The following SYT17 variants were observed in gnomAD, a reference collection of about 807,000 sequenced individuals.
SYT17 encodes the protein synaptotagmin 17, also known as synaptotagmin-17.
Under a neutral mutation model 46.7 loss-of-function variants are expected in SYT17, and 22 were observed. That is an observed-to-expected ratio of 0.47 (90% CI 0.34 to 0.67). The LOEUF (loss-of-function observed/expected upper bound fraction) is 0.67, where lower values mean the gene tolerates loss of function less well. Among genes scored for constraint, SYT17 ranks in the 30% least tolerant of loss-of-function variants. The probability of loss-of-function intolerance (pLI) is 0.01; values close to 1 mark genes in which losing one functional copy is unlikely to be tolerated. For missense variants in SYT17, 519 were observed against 612.8 expected, an observed-to-expected ratio of 0.85 and a Z score of 1.62; for synonymous variants, 251 against 248.4, an observed-to-expected ratio of 1.01 and a Z score of -0.10.
At position 19,224,842 on chromosome 16, in the gene SYT17, G is replaced by C. The variant is rs1428124065; in HGVS notation, c.1228+4G>C. 1.2e-6 allele frequency: 2 copies of C among 1,613,844 alleles called. No homozygotes were observed. Among genetic ancestry groups the C allele is most frequent in the South Asian group, 2.2e-5 (2 of 91,052 alleles). ...AATGCCAGCCTAGTGTTTACAGGTA[G>C]GTAGCATTCCAAAACCCGATGAACT... On this transcript the variant is annotated splice_donor_region_variant and intron_variant, in intron 7 of 7. Coordinates refer to ENST00000355377, the MANE Select transcript of SYT17 (RefSeq NM_016524.4).
intron 7 of SYT17, among the ~76,000 whole-genome samples, chr16:19,251,328 C>T (rs982879100): frequency 6.6e-6 from 1 of 152,172 alleles, no homozygotes; most frequent in African/African-American, 2.4e-5. Flanking sequence ...CCTTGTCTTG[C>T]ACAAGGATTC....
At chr16:19,193,649 T>C (rs537811996) in intron 5 of SYT17, among the ~76,000 whole-genome samples, 70 of 152,280 alleles carry the variant, frequency 4.6e-4, no homozygotes, top group African/African-American at 1.5e-3. Context: ...GTGCTTGCAT[T>C]TTCTTTAGGA....
intron 7 of SYT17, among the ~76,000 whole-genome samples, chr16:19,231,645 G>A (rs952895744): frequency 6.6e-6 from 1 of 152,046 alleles, no homozygotes; most frequent in Admixed American, 6.6e-5. Context: ...GGCAGGTGGA[G>A]GAACTGCTGC....
chr16:19,226,330 G>A (rs1319501199), intron 7 of SYT17, among the ~76,000 whole-genome samples: 1 of 152,122 alleles, frequency 6.6e-6, no homozygotes, highest in Non-Finnish European at 1.5e-5. Flanking sequence ...CAGGGTAACT[G>A]GAAACTCTCC....
At chr16:19,249,739 T>C (rs1305157383) in intron 7 of SYT17, among the ~76,000 whole-genome samples, 1 of 152,174 alleles carries the variant, frequency 6.6e-6, no homozygotes, top group Non-Finnish European at 1.5e-5. Flanking sequence ...AACCTTTGTT[T>C]GGTGTTTTGG....
Position 19,177,126 on chromosome 16 carries a change from G to T in SYT17, c.183-3265G>T, listed in dbSNP as rs1964345872. ...ACAGTTGCGTTTTGCCTTGACTGCT[G>T]CTAACCCTTTGTGTAAGCAGGGGCA... On this transcript the variant is annotated intron_variant, in intron 3 of 7. Transcript: ENST00000355377. Among the ~76,000 whole-genome samples, 3 of 152,310 alleles carry T rather than the reference G, an allele frequency of 2.0e-5. No homozygotes were observed. In the South Asian group the frequency reaches 6.2e-4, roughly 32 times the overall value.
At chr16:19,205,109 C>T (rs1965613631) in intron 5 of SYT17, among the ~76,000 whole-genome samples, 1 of 152,206 alleles carries the variant, frequency 6.6e-6, no homozygotes, top group African/African-American at 2.4e-5. Context: ...TTTCTCAACC[C>T]AGCAGCCAGG....
intron 7 of SYT17, among the ~76,000 whole-genome samples, chr16:19,255,816 AGACCAC>A (rs1159304779): frequency 6.6e-6 from 1 of 152,152 alleles, no homozygotes; most frequent in African/African-American, 2.4e-5. Flanking sequence ...TATTGCCTGC[AGACCAC>A]GACAAAGAGG....
chr16:19,173,708 TC>T, intron 3 of SYT17, 130 bp downstream of exon 3: 1 of 1,049,168 alleles, frequency 9.5e-7, no homozygotes, highest in Non-Finnish European at 1.4e-6. Flanking sequence ...AGGCTGAGTT[TC>T]CAGGGACAAC....
intron 7 of SYT17, among the ~76,000 whole-genome samples, chr16:19,263,082 G>C (rs1323587745): frequency 6.7e-6 from 1 of 150,108 alleles, no homozygotes; most frequent in Non-Finnish European, 1.5e-5. Flanking sequence ...GTTTAATTGA[G>C]ATAAAATTCA....
At chr16:19,234,506 T>C (rs1177735747) in intron 7 of SYT17, among the ~76,000 whole-genome samples, 1 of 152,204 alleles carries the variant, frequency 6.6e-6, no homozygotes, top group African/African-American at 2.4e-5. Context: ...CTATTTTATA[T>C]AAAAAGCTTT....
intron 7 of SYT17, among the ~76,000 whole-genome samples, chr16:19,266,676 T>G (rs750599043): frequency 2.6e-5 from 4 of 152,162 alleles, no homozygotes; most frequent in Non-Finnish European, 5.9e-5. Context: ...GTGCAGCTGT[T>G]GCAGAGACTC....
chr16:19,233,796 C>T (rs1966789387), intron 7 of SYT17, among the ~76,000 whole-genome samples: 1 of 152,180 alleles, frequency 6.6e-6, no homozygotes, highest in Admixed American at 6.5e-5. Flanking sequence ...CTGAAATTCT[C>T]CTGGGATGGA....
At chr16:19,171,553 G>A (rs2142499766) in intron 1 of SYT17, 1 of 152,232 alleles carries the variant, frequency 6.6e-6, no homozygotes, top group African/African-American at 2.4e-5. Context: ...TCAAACTCCT[G>A]ACCTCAGGTG....
intron 7 of SYT17, among the ~76,000 whole-genome samples, chr16:19,228,118 T>C (rs1279345255): frequency 6.6e-6 from 1 of 152,196 alleles, no homozygotes; most frequent in Non-Finnish European, 1.5e-5. Flanking sequence ...CATGGAAGTA[T>C]GGAAAATTTT....
chr16:19,223,187 C>G lies in SYT17; in HGVS notation c.1072+22C>G, dbSNP rs373466231. On this transcript the variant is annotated intron_variant, in intron 6 of 7. Coordinates refer to ENST00000355377, the MANE Select transcript of SYT17 (RefSeq NM_016524.4). ...TCAGGTACCGTGTGATTCCCCTCTTCTCTCACTTTATTAATGGGGCATCTG... is the reference window on the plus strand; with the variant it reads ...TCAGGTACCGTGTGATTCCCCTCTTGTCTCACTTTATTAATGGGGCATCTG... The G allele has an allele frequency of 6.0e-5, 97 of 1,610,354 alleles. No homozygotes were observed. In the African/African-American group the frequency reaches 1.1e-3, roughly 18 times the overall value.
chr16:19,174,198 C>T (rs779041839), intron 3 of SYT17, among the ~76,000 whole-genome samples: 1 of 152,212 alleles, frequency 6.6e-6, no homozygotes, highest in African/African-American at 2.4e-5. Flanking sequence ...ATTTGCTCTC[C>T]TCCCGCGCCT....
intron 6 of SYT17, 69 bp from the exon 7 acceptor site, chr16:19,224,614 T>C: frequency 1.3e-6 from 2 of 1,544,004 alleles, no homozygotes; most frequent in South Asian, 2.3e-5. Flanking sequence ...GGAGGTTGAA[T>C]GGCAGAATGA....
rs150811255 is a variant in SYT17, at chr16:19,245,754, G to A, written c.1228+20916G>A. Among the ~76,000 whole-genome samples, 960 of 152,244 alleles carry A rather than the reference G, an allele frequency of 6.3e-3. 8 individuals carry two copies. Among genetic ancestry groups the A allele is most frequent in the Non-Finnish European group, 0.01 (709 of 68,016 alleles). On this transcript the variant is annotated intron_variant, in intron 7 of 7. Coordinates refer to ENST00000355377, the MANE Select transcript of SYT17 (RefSeq NM_016524.4). ...CCCATCCCCCAGGTGACAGGGCCTGGGCAGATGGACTGCAGCTCAGCCCAG... is the reference window on the plus strand; with the variant it reads ...CCCATCCCCCAGGTGACAGGGCCTGAGCAGATGGACTGCAGCTCAGCCCAG...
Sources: allele counts gnomAD v4.1 joint callset (sites outside exome capture counted in the v4.1 genomes callset), GRCh38; gene constraint gnomAD v4.1.1; transcripts MANE v1.5; gene names NCBI Gene and HGNC (gene_info 2026-07-23, HGNC 2026-07-21).